GRIA4: variants seen among roughly 807,000 people sequenced by gnomAD.
GRIA4 encodes the protein glutamate receptor 4.
GRIA4 carries 34 observed loss-of-function variants against 104.0 expected under a neutral mutation model. The observed-to-expected ratio is 0.33, with a 90% CI of 0.25 to 0.44. The LOEUF (loss-of-function observed/expected upper bound fraction) is 0.44, where lower values mean the gene tolerates loss of function less well. Among genes scored for constraint, GRIA4 ranks in the 20% least tolerant of loss-of-function variants. The probability of loss-of-function intolerance (pLI) is 1.00; values close to 1 mark genes in which losing one functional copy is unlikely to be tolerated. For synonymous variants in GRIA4, 386 were observed against 381.9 expected (o/e 1.01, Z -0.13); for missense variants, 750 against 1,096.5 (o/e 0.68, Z 4.46).
At chr11:105,748,787 G>T (rs1279035722) in intron 3 of GRIA4, among the ~76,000 whole-genome samples, 2 of 152,168 alleles carry the variant, frequency 1.3e-5, no homozygotes. Flanking sequence ...AAGTAGCAAA[G>T]TTCTAGAAGA....
chr11:105,900,779 G>C (rs577899136), intron 7 of GRIA4, among the ~76,000 whole-genome samples: 1 of 152,046 alleles, frequency 6.6e-6, no homozygotes, highest in African/African-American at 2.4e-5. Flanking sequence ...TAGTATAGAC[G>C]GGGTTTCGCC....
intron 3 of GRIA4, among the ~76,000 whole-genome samples, chr11:105,668,519 A>G (rs1257313226): frequency 5.9e-5 from 9 of 151,504 alleles, no homozygotes; most frequent in Admixed American, 4.6e-4. Context: ...CACCCAACAG[A>G]GGGGCTGCTG....
At chr11:105,930,500 T>C (rs1947841174) in intron 13 of GRIA4, among the ~76,000 whole-genome samples, 1 of 152,172 alleles carries the variant, frequency 6.6e-6, no homozygotes, top group African/African-American at 2.4e-5. Flanking sequence ...ATTTAAGGTA[T>C]ACATAATTCA....
chr11:105,711,533 G>C (rs1178355256), intron 3 of GRIA4, among the ~76,000 whole-genome samples: 1 of 152,190 alleles, frequency 6.6e-6, no homozygotes, highest in East Asian at 1.9e-4. Flanking sequence ...TGATTTATAT[G>C]AATTCCATCT....
At chr11:105,955,031 T>C (rs1948550305) in intron 14 of GRIA4, among the ~76,000 whole-genome samples, 2 of 151,626 alleles carry the variant, frequency 1.3e-5, no homozygotes, top group South Asian at 4.2e-4. Flanking sequence ...CTTTAATTTC[T>C]TAGGATTGAT....
chr11:105,825,619 G>A (rs1943741244), intron 4 of GRIA4, among the ~76,000 whole-genome samples: 1 of 152,026 alleles, frequency 6.6e-6, no homozygotes, highest in Non-Finnish European at 1.5e-5. Context: ...GCATGTACCT[G>A]GTATCTGCAT....
At chr11:105,635,009 G>A (rs2135327195) in intron 3 of GRIA4, among the ~76,000 whole-genome samples, 1 of 152,288 alleles carries the variant, frequency 6.6e-6, no homozygotes, top group South Asian at 2.1e-4. Flanking sequence ...TTTCACACAT[G>A]TATAGTACTT....
chr11:105,830,604 T>C (rs904253683), intron 4 of GRIA4, among the ~76,000 whole-genome samples: 3 of 152,148 alleles, frequency 2.0e-5, no homozygotes, highest in South Asian at 2.1e-4. Context: ...GAGCAGATAG[T>C]AGGTGGTCTA....
intron 3 of GRIA4, among the ~76,000 whole-genome samples, chr11:105,679,375 T>C (rs537946925): frequency 1.9e-4 from 29 of 152,286 alleles, no homozygotes; most frequent in Admixed American, 9.2e-4. Context: ...CCCAGTTAAG[T>C]TGACACATAA....
At chr11:105,688,344 G>A (rs1238885536) in intron 3 of GRIA4, among the ~76,000 whole-genome samples, 1 of 152,094 alleles carries the variant, frequency 6.6e-6, no homozygotes, top group Non-Finnish European at 1.5e-5. Context: ...GGATCACGAG[G>A]TCAGGACATC....
intron 4 of GRIA4, among the ~76,000 whole-genome samples, chr11:105,763,585 C>A (rs555114792): frequency 6.6e-6 from 1 of 152,220 alleles, no homozygotes; most frequent in East Asian, 1.9e-4. Context: ...ACCGTAGTCA[C>A]AAGCATAAAA....
At chr11:105,892,562 G>A (rs771454056) in intron 6 of GRIA4, among the ~76,000 whole-genome samples, 19 of 152,118 alleles carry the variant, frequency 1.2e-4, no homozygotes, top group Non-Finnish European at 2.4e-4. Context: ...TTGCATTTAG[G>A]TGTTTGATTA....
At chr11:105,860,108 T>C (rs1414407449) in intron 4 of GRIA4, among the ~76,000 whole-genome samples, 3 of 152,182 alleles carry the variant, frequency 2.0e-5, no homozygotes, top group East Asian at 3.8e-4. Context: ...AGAATAATTA[T>C]ATAGTAATTA....
At chr11:105,641,911 T>C (rs897847455) in intron 3 of GRIA4, among the ~76,000 whole-genome samples, 7 of 152,142 alleles carry the variant, frequency 4.6e-5, no homozygotes, top group Non-Finnish European at 1.0e-4. Flanking sequence ...AAATTTATTT[T>C]CCACAATTCT....
chr11:105,656,609 T>A (rs970108340), intron 3 of GRIA4, among the ~76,000 whole-genome samples: 5 of 151,950 alleles, frequency 3.3e-5, no homozygotes, highest in African/African-American at 4.8e-5. Context: ...GGAAAAAAAA[T>A]TTGCAATCTA....
intron 4 of GRIA4, among the ~76,000 whole-genome samples, chr11:105,794,473 G>GTATATATATATA (rs71041629): frequency 2.1e-4 from 9 of 43,860 alleles, no homozygotes; most frequent in Admixed American, 3.1e-4. Context: ...GTATATGTAT[G>GTATATATATATA]TATATATATA....
chr11:105,630,346 A>G (rs1951001116), intron 3 of GRIA4, among the ~76,000 whole-genome samples: 1 of 151,404 alleles, frequency 6.6e-6, no homozygotes, highest in Admixed American at 6.6e-5. Flanking sequence ...TGGGTGGATC[A>G]TGAGGCCAGG....
chr11:105,749,124 G>A (rs1939848435), intron 3 of GRIA4, among the ~76,000 whole-genome samples: 1 of 152,158 alleles, frequency 6.6e-6, no homozygotes, highest in African/African-American at 2.4e-5. Context: ...GGAATGCAAG[G>A]CAAAGAAGCA....
At chr11:105,720,995 C>T (rs1314854010) in intron 3 of GRIA4, among the ~76,000 whole-genome samples, 1 of 152,116 alleles carries the variant, frequency 6.6e-6, no homozygotes, top group Non-Finnish European at 1.5e-5. Context: ...AATGGGGCTG[C>T]CTAACTTGAT....
Sources: allele counts gnomAD v4.1 joint callset (sites outside exome capture counted in the v4.1 genomes callset), GRCh38; gene constraint gnomAD v4.1.1; transcripts MANE v1.5; gene names NCBI Gene and HGNC (gene_info 2026-07-23, HGNC 2026-07-21).